TBCK: variants seen among roughly 807,000 people sequenced by gnomAD.
TBCK encodes the protein TBC1 domain containing kinase, also known as TBC domain-containing protein kinase-like protein.
A neutral mutation model predicts 113.4 loss-of-function variants in TBCK; 99 were observed. That is an observed-to-expected ratio of 0.87 (90% CI 0.74 to 1.03). The LOEUF is 1.03. Among genes scored for constraint, TBCK ranks in the 50% least tolerant of loss-of-function variants. The probability of loss-of-function intolerance (pLI) is 0.00; values close to 1 mark genes in which losing one functional copy is unlikely to be tolerated. For synonymous variants in TBCK, 369 were observed against 370.8 expected (o/e 1.00, Z 0.05); for missense variants, 1,045 against 1,061.3 (o/e 0.98, Z 0.21).
intron 23 of TBCK, among the ~76,000 whole-genome samples, chr4:106,162,614 C>A (rs1749922366): frequency 6.6e-6 from 1 of 152,118 alleles, no homozygotes; most frequent in African/African-American, 2.4e-5. Context: ...GGTTCTCAAA[C>A]CTCGATTTTT....
At position 106,247,202 on chromosome 4, in the gene TBCK, A is replaced by G. The variant is rs765174930; in HGVS notation, c.868T>C (p.Phe290Leu). Reference protein sequence around the residue: ...YTPFTKPASLFSSSLRCADLT... With the variant: ...YTPFTKPASLLSSSLRCADLT... ...TCAGCACATCTCAGAGAAGATGAAA[A>G]CAGACTGGCAGGTTTGGTAAAGGGG... is the stretch of plus-strand genomic sequence containing the variant. Residue 290 changes from phenylalanine (F) to leucine (L), a missense_variant, in exon 10 of 26, where the codon TTT becomes CTT. Coordinates refer to ENST00000394708, the MANE Select transcript of TBCK (RefSeq NM_001163435.3). 31 of 1,613,444 alleles carry G rather than the reference A, an allele frequency of 1.9e-5. No individual in the cohort carries two copies. Among genetic ancestry groups the G allele is most frequent in the Admixed American group, 1.0e-4 (6 of 59,878 alleles).
At chr4:106,049,712 T>C (rs1328148936) in intron 25 of TBCK, among the ~76,000 whole-genome samples, 3 of 152,036 alleles carry the variant, frequency 2.0e-5, no homozygotes, top group Non-Finnish European at 2.9e-5. Context: ...ATTACAAATC[T>C]ACACTTACTG....
At chr4:106,176,715 T>G (rs1257496648) in intron 22 of TBCK, among the ~76,000 whole-genome samples, 1 of 152,014 alleles carries the variant, frequency 6.6e-6, no homozygotes, top group Non-Finnish European at 1.5e-5. Context: ...GAATGCTGGA[T>G]CTTATGGTGC....
chr4:106,283,241 A>AAATATG (rs1764795439), intron 3 of TBCK, among the ~76,000 whole-genome samples: 1 of 152,176 alleles, frequency 6.6e-6, no homozygotes, highest in South Asian at 2.1e-4. Flanking sequence ...AAACTTTTAT[A>AAATATG]CTTACAACTT....
intron 23 of TBCK, among the ~76,000 whole-genome samples, chr4:106,162,415 G>A (rs1304769128): frequency 2.6e-5 from 4 of 152,256 alleles, no homozygotes; most frequent in South Asian, 2.1e-4. Flanking sequence ...CTGGGGTCTG[G>A]AGGATGGTGG....
chr4:106,220,272 G>A (rs907077436), intron 19 of TBCK, among the ~76,000 whole-genome samples: 12 of 152,108 alleles, frequency 7.9e-5, no homozygotes, highest in South Asian at 2.1e-4. Context: ...GAGATCTGAC[G>A]GGTTCTTCAG....
At chr4:106,076,529 T>C (rs1467717010) in intron 25 of TBCK, among the ~76,000 whole-genome samples, 1 of 152,126 alleles carries the variant, frequency 6.6e-6, no homozygotes, top group African/African-American at 2.4e-5. Context: ...CCTTGTGAGA[T>C]ACTATGTAAG....
intron 25 of TBCK, among the ~76,000 whole-genome samples, chr4:106,084,734 C>T (rs550840287): frequency 2.6e-5 from 4 of 152,286 alleles, no homozygotes; most frequent in South Asian, 4.1e-4. Flanking sequence ...AGACTAACAG[C>T]GGACTTCTCA....
At chr4:106,066,416 C>T (rs1413761746) in intron 25 of TBCK, among the ~76,000 whole-genome samples, 1 of 151,974 alleles carries the variant, frequency 6.6e-6, no homozygotes, top group African/African-American at 2.4e-5. Flanking sequence ...CTTATGAAAA[C>T]TTCTTCACTA....
Position 106,236,460 on chromosome 4 carries a change from G to A in TBCK, c.1280C>T (p.Pro427Leu). Residue 427 changes from proline (P) to leucine (L), a missense_variant, in exon 14 of 26, where the codon CCT becomes CTT. Transcript: ENST00000394708. ...NNELSAAATL[P>L]LIIREKDTEY... ...TGTATCCTTCTCTCTGATGATTAAA[G>A]GGAGCGTGGCAGCTGCAGACAACTC... is the stretch of plus-strand genomic sequence containing the variant. 6.3e-7 allele frequency: 1 copy of A among 1,581,422 alleles called. No individual in the cohort carries two copies. The highest frequency in any genetic ancestry group is 2.3e-5 in the East Asian group (1 of 43,652).
Position 106,233,001 on chromosome 4 carries a change from C to T in TBCK, c.1576G>A (p.Ala526Thr), listed in dbSNP as rs1460540131. Residue 526 changes from alanine to threonine, a missense_variant, in exon 17 of 26, where the codon GCA becomes ACA. Transcript: ENST00000394708. ...GCTTTTAATACACGCCTAAATTTTGCATGACCTTCTGGTGATGATAACAGT... is the reference window on the plus strand; with the variant it reads ...GCTTTTAATACACGCCTAAATTTTGTATGACCTTCTGGTGATGATAACAGT... ...DELLSSPEGH[A>T]KFRRVLKAWV... is the part of the protein sequence containing the mutation. The T allele has an allele frequency of 1.8e-5, 29 of 1,612,430 alleles. No homozygotes were observed. The highest frequency in any genetic ancestry group is 2.5e-5 in the Non-Finnish European group (29 of 1,178,874).
rs558076776 is a variant in TBCK at position 106,109,896 on chromosome 4, G to A, written c.2411+6307C>T. ...TAGAAAGACACAAACCTTCTTGGAC[G>A]TCCAGGAGGTTTTATAAAAGCTTTG... On this transcript the variant is annotated intron_variant, in intron 24 of 25. Coordinates refer to ENST00000394708, the MANE Select transcript of TBCK (RefSeq NM_001163435.3). Among the ~76,000 whole-genome samples, 4 of 152,292 alleles carry A rather than the reference G, an allele frequency of 2.6e-5. No homozygotes were observed. The South Asian group carries it at 6.2e-4, about 24-fold the overall frequency.
At chr4:106,309,405 C>A (rs572965240) in intron 1 of TBCK, among the ~76,000 whole-genome samples, 2 of 150,668 alleles carry the variant, frequency 1.3e-5, no homozygotes, top group South Asian at 4.2e-4. Flanking sequence ...CTCTGCCTCC[C>A]GGGTTCAAGC....
chr4:106,175,009 C>T (rs1371449594), intron 22 of TBCK, among the ~76,000 whole-genome samples: 7 of 151,672 alleles, frequency 4.6e-5, no homozygotes, highest in African/African-American at 1.2e-4. Context: ...CACCTGTAAC[C>T]CCAGCTACTT....
At chr4:106,205,063 C>A (rs1755314316) in intron 20 of TBCK, among the ~76,000 whole-genome samples, 1 of 152,092 alleles carries the variant, frequency 6.6e-6, no homozygotes, top group Non-Finnish European at 1.5e-5. Flanking sequence ...CCGCGCCCGG[C>A]CCAAACAATG....
At chr4:106,074,962 C>G (rs1737992859) in intron 25 of TBCK, among the ~76,000 whole-genome samples, 1 of 152,312 alleles carries the variant, frequency 6.6e-6, no homozygotes, top group East Asian at 1.9e-4. Flanking sequence ...GAGCTCCCGA[C>G]TGGTTAACAA....
Position 106,059,823 on chromosome 4 carries a change from C to T in TBCK, c.2572-13143G>A, listed in dbSNP as rs1224254605. Among the ~76,000 whole-genome samples, 98 of 151,716 alleles carry T rather than the reference C, an allele frequency of 6.5e-4. 2 individuals are homozygous for T. Among genetic ancestry groups the T allele is most frequent in the Non-Finnish European group, 1.5e-5 (1 of 67,844 alleles). Reference sequence around the variant, plus strand: ...AGTTGGGCATTTTGGGCCAAACAGCCAAGTTGTGAATGCAAAGGAAAAATT... The same window carrying T: ...AGTTGGGCATTTTGGGCCAAACAGCTAAGTTGTGAATGCAAAGGAAAAATT... On this transcript the variant is annotated intron_variant, in intron 25 of 25. Coordinates refer to ENST00000394708, the MANE Select transcript of TBCK (RefSeq NM_001163435.3).
chr4:106,219,157 G>T (rs926268859), intron 19 of TBCK, among the ~76,000 whole-genome samples: 2 of 145,828 alleles, frequency 1.4e-5, no homozygotes, highest in African/African-American at 5.1e-5. Flanking sequence ...ACTCATAGGT[G>T]GGAATTGAAC....
chr4:106,203,280 T>A, intron 20 of TBCK, among the ~76,000 whole-genome samples: 1 of 36,346 alleles, frequency 2.8e-5, no homozygotes, highest in South Asian at 6.0e-4. Flanking sequence ...ATATATATTT[T>A]CACATATATA....
Sources: gnomAD v4.1 joint callset for allele counts (sites outside exome capture counted in the v4.1 genomes callset) on GRCh38, gnomAD v4.1.1 for gene constraint, MANE v1.5 for transcripts, NCBI Gene and HGNC (gene_info 2026-07-23, HGNC 2026-07-21) for gene names.